LARP4: variants seen among roughly 807,000 people sequenced by gnomAD.
LARP4 encodes La ribonucleoprotein 4.
A neutral mutation model predicts 92.9 loss-of-function variants in LARP4; 29 were observed. That is an observed-to-expected ratio of 0.31 (90% CI 0.23 to 0.43). The LOEUF (loss-of-function observed/expected upper bound fraction) is 0.43, where lower values mean the gene tolerates loss of function less well. LARP4 is among the 20% of genes least tolerant of loss of function. LARP4 has a pLI of 1.00. For synonymous variants in LARP4, 279 were observed against 284.1 expected, an observed-to-expected ratio of 0.98 and a Z score of 0.18; for missense variants, 732 against 860.0, an observed-to-expected ratio of 0.85 and a Z score of 1.86.
At chr12:50,462,553 CCCCA>C in intron 11 of LARP4, 25 bp from the exon 12 acceptor site, 1 of 1,212,946 alleles carries the variant, frequency 8.2e-7, no homozygotes, top group Non-Finnish European at 1.2e-6. Flanking sequence ...CTCCACCCCA[CCCCA>C]CCCCCACCTT....
chr12:50,466,975 C>A lies in LARP4; in HGVS notation c.1400C>A (p.Thr467Lys). 1 of 1,610,942 alleles carries A rather than the reference C, an allele frequency of 6.2e-7. No individual in the cohort carries two copies. The highest frequency in any genetic ancestry group is 8.5e-7 in the Non-Finnish European group (1 of 1,178,058). ...DDRISRPHPSTAESKAPTPKF... is the reference protein window; with the variant it reads ...DDRISRPHPSKAESKAPTPKF... ...TCATTTTAGAGACCTCATCCTTCAA[C>A]AGCTGAATCAAAGGCTCCAACACCA... The change falls in exon 13 of 16, where the codon ACA (threonine) becomes AAA (lysine). Residue 467 changes from threonine to lysine, a missense_variant. Thr to Lys is a moderately conservative substitution (Grantham distance 78, BLOSUM62 -1). Around this residue, in one of 7 missense-constraint regions of LARP4, gnomAD observed 264 missense variants for 269.5 expected, o/e 0.98. Transcript: ENST00000398473.
chr12:50,446,405 C>A lies in LARP4; in HGVS notation c.804+4762C>A, dbSNP rs1412004340. Reference sequence around the variant, plus strand: ...TCTCTCTCTCTCTCTCTCTCTCTCTCTCTCTATATATATATATATATATAT... The same window carrying A: ...TCTCTCTCTCTCTCTCTCTCTCTCTATCTCTATATATATATATATATATAT... On this transcript the variant is annotated intron_variant, in intron 8 of 15. Coordinates refer to ENST00000398473, the MANE Select transcript of LARP4 (RefSeq NM_052879.5). Among the ~76,000 whole-genome samples the A allele has an allele frequency of 2.7e-4, 2 of 7,540 alleles. 1 individual carries two copies. Among genetic ancestry groups the A allele is most frequent in the South Asian group, 0.028 (2 of 72 alleles). The allele number at this position is 7,540 out of a possible 152,430, so 4.9% of individuals were successfully genotyped here.
rs1950800230 is a variant in LARP4 at position 50,438,791 on chromosome 12, ATC to A, written c.639+959_639+960del. Among the ~76,000 whole-genome samples the A allele has an allele frequency of 1.3e-5, 2 of 152,320 alleles. 1 individual carries two copies. Among genetic ancestry groups the A allele is most frequent in the South Asian group, 4.1e-4 (2 of 4,832 alleles). Reference sequence around the variant, plus strand: ...TGACAGGAGTTTGGGTTTGAACATGATCTCTCTGATTCTAAAGCCCATGTTTC... The same window carrying A: ...TGACAGGAGTTTGGGTTTGAACATGATCTCTGATTCTAAAGCCCATGTTTC... On this transcript the variant is annotated intron_variant, in intron 6 of 15. Coordinates refer to ENST00000398473, the MANE Select transcript of LARP4 (RefSeq NM_052879.5).
intron 8 of LARP4, among the ~76,000 whole-genome samples, chr12:50,452,370 C>T (rs1441301730): frequency 2.0e-5 from 3 of 151,994 alleles, no homozygotes; most frequent in African/African-American, 4.8e-5. Context: ...TTGGTAGAGA[C>T]GGGGTTTCAC....
At chr12:50,410,517 T>A (rs1945683355) in intron 1 of LARP4, among the ~76,000 whole-genome samples, 1 of 151,746 alleles carries the variant, frequency 6.6e-6, no homozygotes. Context: ...GCCATTCTCC[T>A]GCCTCAGCCT....
chr12:50,422,754 C>A (rs993098321), intron 1 of LARP4, among the ~76,000 whole-genome samples: 1 of 149,254 alleles, frequency 6.7e-6, no homozygotes, highest in African/African-American at 2.4e-5. Context: ...AAAGGATTTT[C>A]GCCAACTCTA....
At chr12:50,404,036 G>A (rs1214944720) in intron 1 of LARP4, among the ~76,000 whole-genome samples, 1 of 152,100 alleles carries the variant, frequency 6.6e-6, no homozygotes, top group Non-Finnish European at 1.5e-5. Flanking sequence ...AGATCAGCCT[G>A]GCCAACATGG....
intron 1 of LARP4, among the ~76,000 whole-genome samples, chr12:50,418,148 A>C (rs1038048919): frequency 5.8e-4 from 89 of 152,286 alleles, no homozygotes; most frequent in African/African-American, 2.0e-3. Flanking sequence ...GGTGTGAGCC[A>C]CTGCGCCTGG....
chr12:50,454,250 T>A, intron 9 of LARP4, 64 bp from the exon 10 acceptor site: 1 of 1,204,286 alleles, frequency 8.3e-7, no homozygotes, highest in Non-Finnish European at 1.2e-6. Context: ...TTAAGGTTCT[T>A]GTGACCCTCA....
rs1006922806 is a variant in LARP4 at position 50,476,551 on chromosome 12, G to C, written c.*687G>C. On this transcript the variant is annotated 3_prime_UTR_variant, in exon 16 of 16. Coordinates refer to ENST00000398473, the MANE Select transcript of LARP4 (RefSeq NM_052879.5). ...TTCATTTAACAAGTTGTAAAACTCT[G>C]ATTGTACTTAGAGATGTGACTACCA... The C allele has an allele frequency of 6.6e-6, 1 of 152,406 alleles. No individual in the cohort carries two copies. The highest frequency in any genetic ancestry group is 1.5e-5 in the Non-Finnish European group (1 of 67,988). 9.4% of individuals were successfully genotyped at this position (152,406 alleles called of 1,614,324 possible). A position where few individuals can be genotyped will look rare whatever the true frequency, so the allele number is the denominator to read the frequency against.
chr12:50,402,747 A>G (rs751269942), intron 1 of LARP4: 5 of 454,984 alleles, frequency 1.1e-5, no homozygotes, highest in South Asian at 7.8e-5. Context: ...TGGGATTTAG[A>G]TCCAGGTCAT....
intron 1 of LARP4, among the ~76,000 whole-genome samples, chr12:50,410,613 T>G (rs1945703785): frequency 6.6e-6 from 1 of 151,518 alleles, no homozygotes; most frequent in Admixed American, 6.6e-5. Flanking sequence ...ATCGTGTTAG[T>G]CAGGATGGTC....
intron 4 of LARP4, among the ~76,000 whole-genome samples, chr12:50,435,223 A>G (rs1039079769): frequency 5.9e-5 from 9 of 152,254 alleles, no homozygotes; most frequent in African/African-American, 2.2e-4. Context: ...ATGTATCAGT[A>G]TAATTGTCCA....
rs918391940 is a variant in LARP4, at chr12:50,411,652, C to T, written c.18+10624C>T. On this transcript the variant is annotated intron_variant, in intron 1 of 15. Transcript: ENST00000398473. ...CCTAGGGACCCTAGTTGTAATCTGG[C>T]GGCTATTTTCTATATTCATTTTTGT... Among the ~76,000 whole-genome samples the T allele has an allele frequency of 5.3e-5, 8 of 151,206 alleles. No homozygotes were observed. In the East Asian group the frequency reaches 7.9e-4, roughly 15 times the overall value.
chr12:50,468,022 C>G (rs1390643260), intron 13 of LARP4, among the ~76,000 whole-genome samples: 1 of 151,884 alleles, frequency 6.6e-6, no homozygotes, highest in African/African-American at 2.4e-5. Context: ...GCTCTGTAAC[C>G]TAGACTGGAA....
intron 11 of LARP4, 73 bp downstream of exon 11, chr12:50,461,420 CAT>C: frequency 2.3e-6 from 3 of 1,284,128 alleles, no homozygotes; most frequent in Non-Finnish European, 3.3e-6. Flanking sequence ...ACATGATCTT[CAT>C]AATAATTAAA....
intron 1 of LARP4, among the ~76,000 whole-genome samples, chr12:50,426,096 G>T (rs1374842472): frequency 6.6e-6 from 1 of 152,122 alleles, no homozygotes; most frequent in Non-Finnish European, 1.5e-5. Context: ...AGGAGGACAG[G>T]AAGTGTTGAA....
intron 6 of LARP4, among the ~76,000 whole-genome samples, chr12:50,439,970 T>C (rs1950964596): frequency 6.6e-6 from 1 of 152,200 alleles, no homozygotes; most frequent in Non-Finnish European, 1.5e-5. Context: ...TAAATGAGAA[T>C]GCGTGAAAAT....
intron 4 of LARP4, among the ~76,000 whole-genome samples, chr12:50,433,828 C>G (rs992383284): frequency 6.6e-6 from 1 of 151,914 alleles, no homozygotes; most frequent in Non-Finnish European, 1.5e-5. Context: ...TTAGTAGAGA[C>G]GAGGTTTTAT....
Sources: gnomAD v4.1 joint callset for allele counts (sites outside exome capture counted in the v4.1 genomes callset) on GRCh38, gnomAD v4.1.1 for gene constraint, gnomAD v4.1.1 regional missense constraint, MANE v1.5 for transcripts, NCBI Gene and HGNC (gene_info 2026-07-23, HGNC 2026-07-21) for gene names.